NXPH1: variants seen among roughly 807,000 people sequenced by gnomAD.
NXPH1 encodes neurexophilin 1, also known as neurexophilin-1.
NXPH1 carries 5 observed loss-of-function variants against 23.7 expected under a neutral mutation model. The observed-to-expected ratio is 0.21, with a 90% CI of 0.11 to 0.44. The LOEUF (loss-of-function observed/expected upper bound fraction) is 0.44, where lower values mean the gene tolerates loss of function less well. Ranked by LOEUF, NXPH1 falls within the 20% of genes least tolerant of loss-of-function variation. NXPH1 has a pLI of 0.99. For missense variants in NXPH1, 324 were observed against 321.6 expected (o/e 1.01, Z -0.06); for synonymous variants, 144 against 122.2 (o/e 1.18, Z -1.18).
At chr7:8,488,155 A>G (rs148233099) in intron 2 of NXPH1, among the ~76,000 whole-genome samples, 12 of 152,232 alleles carry the variant, frequency 7.9e-5, no homozygotes, top group Admixed American at 2.0e-4. Context: ...TCATGAACAC[A>G]TTTTATGGAA....
At chr7:8,531,765 G>T (rs143846381) in intron 2 of NXPH1, among the ~76,000 whole-genome samples, 193 of 152,290 alleles carry the variant, frequency 1.3e-3, no homozygotes, top group Non-Finnish European at 1.1e-3. Context: ...TGCCTCCATT[G>T]TGACAATGAC....
intron 2 of NXPH1, among the ~76,000 whole-genome samples, chr7:8,513,857 A>G (rs567675807): frequency 1.2e-4 from 18 of 152,072 alleles, no homozygotes; most frequent in Admixed American, 1.0e-3. Context: ...GGCCTAAACA[A>G]CAGAAACGTA....
chr7:8,448,818 GAAAAAAAAAAAA>G (rs34098217), intron 2 of NXPH1, among the ~76,000 whole-genome samples: 1 of 106,086 alleles, frequency 9.4e-6, no homozygotes, highest in African/African-American at 3.6e-5. Flanking sequence ...TCGTCTCGGG[GAAAAAAAAAAAA>G]AAAAAAAAAA....
At chr7:8,646,285 G>A (rs570430756) in intron 2 of NXPH1, among the ~76,000 whole-genome samples, 36 of 152,156 alleles carry the variant, frequency 2.4e-4, no homozygotes, top group Non-Finnish European at 3.4e-4. Context: ...TAAACTCTCC[G>A]TGAGTGGTAA....
intron 2 of NXPH1, among the ~76,000 whole-genome samples, chr7:8,642,760 T>C (rs1203558751): frequency 6.6e-6 from 1 of 152,210 alleles, no homozygotes; most frequent in Non-Finnish European, 1.5e-5. Flanking sequence ...CAATGGAGAA[T>C]AGTAACTGCA....
intron 2 of NXPH1, among the ~76,000 whole-genome samples, chr7:8,538,929 T>C (rs1028804289): frequency 1.3e-5 from 2 of 151,934 alleles, no homozygotes; most frequent in Non-Finnish European, 2.9e-5. Flanking sequence ...CAATGTGTTT[T>C]GAATGTTTGA....
chr7:8,735,790 G>T (rs755419659), intron 2 of NXPH1, among the ~76,000 whole-genome samples: 5 of 152,022 alleles, frequency 3.3e-5, no homozygotes, highest in African/African-American at 7.2e-5. Context: ...TTGGTAGGCT[G>T]TTAATTACGC....
intron 2 of NXPH1, among the ~76,000 whole-genome samples, chr7:8,622,125 C>T (rs922637100): frequency 2.0e-5 from 3 of 152,082 alleles, no homozygotes; most frequent in African/African-American, 7.2e-5. Flanking sequence ...TCTATTTTAC[C>T]ATGAAATTCA....
intron 2 of NXPH1, among the ~76,000 whole-genome samples, chr7:8,596,270 AACAGAATG>A (rs2128626357): frequency 6.6e-6 from 1 of 152,204 alleles, no homozygotes; most frequent in African/African-American, 2.4e-5. Flanking sequence ...TCTGTTCAGG[AACAGAATG>A]ACAGCATTGG....
rs1365380398 is a variant in NXPH1, at chr7:8,495,335, TTAATC to T, written c.54+59572_54+59576del. Reference sequence around the variant, plus strand: ...CCCACATTATGGAGAGTAATCAGCTTTAATCTAAGTCTACTGATTTAAAGATTAAT... The same window carrying T: ...CCCACATTATGGAGAGTAATCAGCTTTAAGTCTACTGATTTAAAGATTAAT... On this transcript the variant is annotated intron_variant, in intron 2 of 2. Transcript: ENST00000405863. 2.0e-5 allele frequency among the ~76,000 whole-genome samples: 3 copies of T among 151,632 alleles called. No individual in the cohort carries two copies. The East Asian group carries it at 5.8e-4, about 29-fold the overall frequency.
At chr7:8,654,934 T>C (rs749534560) in intron 2 of NXPH1, among the ~76,000 whole-genome samples, 26 of 152,036 alleles carry the variant, frequency 1.7e-4, no homozygotes, top group Admixed American at 1.6e-3. Context: ...GGAAATAAAA[T>C]GCAAAGGTGT....
At chr7:8,711,048 C>T (rs932268679) in intron 2 of NXPH1, among the ~76,000 whole-genome samples, 1 of 152,192 alleles carries the variant, frequency 6.6e-6, no homozygotes, top group African/African-American at 2.4e-5. Flanking sequence ...GCTCTATCCT[C>T]AGCAGTTTTA....
At chr7:8,461,674 C>G (rs1031000734) in intron 2 of NXPH1, among the ~76,000 whole-genome samples, 2 of 148,988 alleles carry the variant, frequency 1.3e-5, no homozygotes, top group African/African-American at 5.0e-5. Flanking sequence ...ACTAAAAATA[C>G]AAAAAATTAG....
intron 2 of NXPH1, among the ~76,000 whole-genome samples, chr7:8,561,960 G>A (rs374618761): frequency 1.3e-5 from 2 of 151,704 alleles, no homozygotes; most frequent in African/African-American, 4.8e-5. Context: ...ATAGTGAAAC[G>A]GTTACTACGG....
intron 2 of NXPH1, among the ~76,000 whole-genome samples, chr7:8,470,833 G>A (rs182135785): frequency 8.5e-4 from 130 of 152,124 alleles, no homozygotes; most frequent in African/African-American, 2.1e-3. Context: ...AACAGTCTTC[G>A]TCTTCACCAG....
chr7:8,748,928 A>G (rs1378121966), intron 2 of NXPH1, among the ~76,000 whole-genome samples: 1 of 152,182 alleles, frequency 6.6e-6, no homozygotes, highest in African/African-American at 2.4e-5. Context: ...TGTTACCTCA[A>G]TTTGAACAGG....
chr7:8,597,139 C>T (rs1179744654), intron 2 of NXPH1, among the ~76,000 whole-genome samples: 1 of 151,990 alleles, frequency 6.6e-6, no homozygotes, highest in African/African-American at 2.4e-5. Flanking sequence ...ATTCATAGAG[C>T]TGCAGATACT....
intron 2 of NXPH1, among the ~76,000 whole-genome samples, chr7:8,746,413 T>C (rs1382420051): frequency 6.6e-6 from 1 of 152,224 alleles, no homozygotes; most frequent in East Asian, 1.9e-4. Context: ...TCAGCACCAC[T>C]TGAAGCCTTT....
At chr7:8,604,426 G>A (rs7800975) in intron 2 of NXPH1, among the ~76,000 whole-genome samples, 55,126 of 151,838 alleles carry the variant, frequency 0.36, 11,166 homozygotes, top group African/African-American at 0.55. Flanking sequence ...AAATGGTTTC[G>A]CCTGCATTTT....
Sources: allele counts gnomAD v4.1 joint callset (sites outside exome capture counted in the v4.1 genomes callset), GRCh38; gene constraint gnomAD v4.1.1; transcripts MANE v1.5; gene names NCBI Gene and HGNC (gene_info 2026-07-23, HGNC 2026-07-21).